The following CUX1 variants were observed in gnomAD, a reference collection of about 807,000 sequenced individuals.
CUX1 encodes the protein cut like homeobox 1.
A neutral mutation model predicts 158.8 loss-of-function variants in CUX1; 31 were observed. That is an observed-to-expected ratio of 0.20 (90% CI 0.15 to 0.26). The LOEUF is 0.26. Ranked by LOEUF, CUX1 falls within the 10% of genes least tolerant of loss-of-function variation. CUX1 has a pLI of 1.00. For synonymous variants in CUX1, 879 were observed against 862.1 expected, an observed-to-expected ratio of 1.02 and a Z score of -0.34; for missense variants, 1,589 against 2,014.6, an observed-to-expected ratio of 0.79 and a Z score of 4.04.
intron 14 of CUX1, among the ~76,000 whole-genome samples, chr7:102,266,122 T>G (rs1790789614): frequency 6.7e-6 from 1 of 150,342 alleles, no homozygotes; most frequent in African/African-American, 2.5e-5. Flanking sequence ...GAGAATCTCT[T>G]GAACCCAAGA....
intron 1 of CUX1, among the ~76,000 whole-genome samples, chr7:101,833,963 G>A (rs1735829987): frequency 6.6e-6 from 1 of 152,044 alleles, no homozygotes. Flanking sequence ...CCGAGTAGGT[G>A]GGGTGCTGGG....
chr7:102,074,560 G>T (rs948094383), intron 4 of CUX1, among the ~76,000 whole-genome samples: 1 of 152,192 alleles, frequency 6.6e-6, no homozygotes, highest in African/African-American at 2.4e-5. Context: ...CCCAGTGCCT[G>T]GCACACAACA....
chr7:101,890,002 C>G (rs1451141194), intron 1 of CUX1, among the ~76,000 whole-genome samples: 2 of 152,198 alleles, frequency 1.3e-5, no homozygotes, highest in African/African-American at 2.4e-5. Flanking sequence ...AGGCAGCTGT[C>G]TTGATGGTGG....
Position 102,257,402 on chromosome 7 carries a change from C to T in CUX1, c.*8360C>T. On this transcript the variant is annotated 3_prime_UTR_variant, in exon 24 of 24. Transcript: ENST00000292535. ...TTGAGAAAACGGGCATCTCACGTAC[C>T]CCCATCTGAGACCTCTTGGAAAAAA... 1.0e-6 allele frequency: 1 copy of T among 985,014 alleles called. No homozygotes were observed. Among genetic ancestry groups the T allele is most frequent in the Non-Finnish European group, 1.2e-6 (1 of 829,856 alleles). The allele number at this position is 985,014 out of a possible 1,614,324, so 61.0% of individuals were successfully genotyped here. A position where few individuals can be genotyped will look rare whatever the true frequency, so the allele number is the denominator to read the frequency against.
chr7:102,170,595 C>T (rs782015305), intron 10 of CUX1, 45 bp downstream of exon 10: 28 of 1,371,780 alleles, frequency 2.0e-5, no homozygotes, highest in Admixed American at 1.3e-4. Flanking sequence ...GCCTGGCCTC[C>T]GCACCTTCGA....
chr7:102,099,374 G>A (rs1829548532), intron 5 of CUX1, among the ~76,000 whole-genome samples: 1 of 152,110 alleles, frequency 6.6e-6, no homozygotes, highest in Non-Finnish European at 1.5e-5. Flanking sequence ...CTTGTAGGAA[G>A]CATTTCTTGC....
intron 1 of CUX1, among the ~76,000 whole-genome samples, chr7:101,821,909 C>A (rs1271650659): frequency 6.9e-6 from 1 of 144,198 alleles, no homozygotes; most frequent in Non-Finnish European, 1.5e-5. Flanking sequence ...GGCTGGAGTG[C>A]AGTGGCGCGA....
Position 101,869,984 on chromosome 7 carries a change from C to T in CUX1, c.31-46131C>T, listed in dbSNP as rs1268073326. Among the ~76,000 whole-genome samples, 1 of 151,802 alleles carries T rather than the reference C, an allele frequency of 6.6e-6. No individual in the cohort carries two copies. ...GCTCCTCGTGCCCCCCCTCTTGTGC[C>T]TTCCCTCCCCAGTGCCTTTTCTGAC... On this transcript the variant is annotated intron_variant, in intron 1 of 23. Coordinates refer to ENST00000292535, the MANE Select transcript of CUX1 (RefSeq NM_181552.4). The surrounding 1 kb of genome is among the most constrained non-coding windows in gnomAD (Gnocchi z 4.5).
intron 1 of CUX1, among the ~76,000 whole-genome samples, chr7:101,888,155 G>A (rs928533741): frequency 5.9e-5 from 9 of 152,078 alleles, no homozygotes; most frequent in East Asian, 1.9e-4. Flanking sequence ...CCAACATGGC[G>A]AAACCCCGTC....
At chr7:101,902,174 G>A (rs1291685255) in intron 1 of CUX1, among the ~76,000 whole-genome samples, 1 of 152,208 alleles carries the variant, frequency 6.6e-6, no homozygotes, top group Non-Finnish European at 1.5e-5. Flanking sequence ...GTTCTGCAGA[G>A]AGCCTCAGTT....
chr7:102,105,765 A>T (rs997762205), intron 6 of CUX1, among the ~76,000 whole-genome samples: 1 of 152,054 alleles, frequency 6.6e-6, no homozygotes, highest in Non-Finnish European at 1.5e-5. Context: ...CACCCACCTC[A>T]GCCTTTCAAA....
chr7:102,067,862 C>CA (rs11397717), intron 3 of CUX1, among the ~76,000 whole-genome samples: 129,740 of 149,050 alleles, frequency 0.87, 56,805 homozygotes, highest in East Asian at 0.99. Flanking sequence ...ACTAAAAATA[C>CA]AAAAAAAAAT....
At chr7:102,143,330 G>A (rs530254997) in intron 8 of CUX1, among the ~76,000 whole-genome samples, 58 of 152,240 alleles carry the variant, frequency 3.8e-4, no homozygotes, top group Non-Finnish European at 6.3e-4. Context: ...GCACAGAGGC[G>A]CGATCATAGC....
chr7:102,166,569 A>G (rs1267067946), intron 9 of CUX1, among the ~76,000 whole-genome samples: 1 of 152,152 alleles, frequency 6.6e-6, no homozygotes, highest in African/African-American at 2.4e-5. Context: ...CAGTGTCACC[A>G]CACGCCGACC....
At chr7:102,073,165 C>CTTTTTTTT (rs869202667) in intron 4 of CUX1, among the ~76,000 whole-genome samples, 18,640 of 65,922 alleles carry the variant, frequency 0.28, 5,399 homozygotes, top group East Asian at 0.59. Flanking sequence ...TCTTTTCTTT[C>CTTTTTTTT]TTTTTTTTTT....
chr7:102,085,859 C>T (rs1827905147), intron 4 of CUX1, among the ~76,000 whole-genome samples: 1 of 152,108 alleles, frequency 6.6e-6, no homozygotes, highest in Non-Finnish European at 1.5e-5. Flanking sequence ...GTTATTTTTT[C>T]GTAAAATTCA....
intron 2 of CUX1, among the ~76,000 whole-genome samples, chr7:101,975,256 GAAA>G (rs1201134721): frequency 2.8e-5 from 4 of 143,316 alleles, no homozygotes; most frequent in African/African-American, 1.1e-4. Context: ...GTCTCAAAAG[GAAA>G]AAAAAAGAGA....
intron 14 of CUX1, among the ~76,000 whole-genome samples, chr7:102,265,200 A>G (rs1054484719): frequency 2.0e-5 from 3 of 151,922 alleles, no homozygotes; most frequent in African/African-American, 7.2e-5. Flanking sequence ...TACTAAAAAT[A>G]CAAAAATTAG....
At position 102,234,068 on chromosome 7, in the gene CUX1, G is replaced by A; in HGVS notation, c.3450G>A (p.Gly1150=). The A allele has an allele frequency of 1.3e-6, 2 of 1,541,324 alleles. No homozygotes were observed. The highest frequency in any genetic ancestry group is 1.7e-6 in the Non-Finnish European group (2 of 1,147,390). Reference sequence around the variant, plus strand: ...TCTCTCTAGGCCAGCGCTTATTTGGGGAGACCATCTTAGGGCTCACCCAAG... The same window carrying A: ...TCTCTCTAGGCCAGCGCTTATTTGGAGAGACCATCTTAGGGCTCACCCAAG... ...TDNNLGQRLF[G]ETILGLTQGS... The change falls in exon 22 of 24, where the codon GGG becomes GGA. Residue 1150 remains glycine (G), a synonymous_variant. Coordinates refer to ENST00000292535, the MANE Select transcript of CUX1 (RefSeq NM_181552.4).
Sources: gnomAD v4.1 joint callset for allele counts (sites outside exome capture counted in the v4.1 genomes callset) on GRCh38, gnomAD v4.1.1 for gene constraint, Gnocchi (gnomAD v3.1) non-coding constraint, MANE v1.5 for transcripts, NCBI Gene and HGNC (gene_info 2026-07-23, HGNC 2026-07-21) for gene names.